The following FAM118A variants were observed in gnomAD, a reference collection of about 807,000 sequenced individuals.
FAM118A encodes the protein protein FAM118A.
Under a neutral mutation model 38.2 loss-of-function variants are expected in FAM118A, and 25 were observed. The ratio of observed to expected loss-of-function variants is 0.65; its 90% confidence interval spans 0.48 to 0.91. FAM118A has a LOEUF of 0.91. Among genes scored for constraint, FAM118A ranks in the 40% least tolerant of loss-of-function variants. FAM118A has a pLI of 0.00. For missense variants in FAM118A, 425 were observed against 463.3 expected, an observed-to-expected ratio of 0.92 and a Z score of 0.76; for synonymous variants, 178 against 184.1, an observed-to-expected ratio of 0.97 and a Z score of 0.27.
chr22:45,322,312 G>A, intron 1 of FAM118A, 59 bp from the exon 2 acceptor site: 1 of 1,581,408 alleles, frequency 6.3e-7, no homozygotes, highest in Admixed American at 1.8e-5. Context: ...CTTCCAGGGT[G>A]CAAATAAAAA....
At chr22:45,312,199 C>T (rs1057076626) in intron 1 of FAM118A, among the ~76,000 whole-genome samples, 3 of 152,200 alleles carry the variant, frequency 2.0e-5, no homozygotes, top group Non-Finnish European at 4.4e-5. Context: ...GCAAGAGACA[C>T]CAACTGGGTA....
intron 1 of FAM118A, among the ~76,000 whole-genome samples, chr22:45,317,638 G>A (rs939371169): frequency 3.3e-5 from 5 of 152,246 alleles, no homozygotes; most frequent in African/African-American, 7.2e-5. Flanking sequence ...TCCCTGTCCC[G>A]CCAGGGTTTA....
chr22:45,340,512 C>A lies in FAM118A; in HGVS notation c.*107C>A. On this transcript the variant is annotated 3_prime_UTR_variant, in exon 9 of 9. Coordinates refer to ENST00000441876, the MANE Select transcript of FAM118A (RefSeq NM_017911.4). ...TCCACGTGGATCTCTGATTGCGAAA[C>A]CGTCACATACACCAAGAGAGCCACA... is the stretch of plus-strand genomic sequence containing the variant. 7.6e-7 allele frequency: 1 copy of A among 1,319,490 alleles called. No homozygotes were observed. The highest frequency in any genetic ancestry group is 1.1e-6 in the Non-Finnish European group (1 of 913,592). The allele number at this position is 1,319,490 out of a possible 1,614,324, so 81.7% of individuals were successfully genotyped here.
At chr22:45,309,825 G>GCC (rs2084284232), upstream of FAM118A, 1 of 152,168 alleles carries the variant, frequency 6.6e-6, no homozygotes, top group South Asian at 1.9e-4. Context: ...GGCGGGGCGC[G>GCC]CGTCCTGGCT....
chr22:45,336,541 G>A, intron 8 of FAM118A, 130 bp downstream of exon 8: 1 of 666,686 alleles, frequency 1.5e-6, no homozygotes, highest in Non-Finnish European at 2.6e-6. Context: ...TTCTGTCAGG[G>A]CCAGAGAGCA....
intron 3 of FAM118A, among the ~76,000 whole-genome samples, chr22:45,324,245 C>T (rs1361858433): frequency 6.6e-6 from 1 of 152,192 alleles, no homozygotes; most frequent in East Asian, 1.9e-4. Flanking sequence ...CTTTATAATC[C>T]CCACCTAGAG....
At chr22:45,339,205 G>A (rs1047432225) in intron 8 of FAM118A, among the ~76,000 whole-genome samples, 1 of 152,180 alleles carries the variant, frequency 6.6e-6, no homozygotes, top group Non-Finnish European at 1.5e-5. Flanking sequence ...AGGTCAGCCT[G>A]GCCAACATGG....
At chr22:45,324,721 A>G (rs954520813) in intron 3 of FAM118A, among the ~76,000 whole-genome samples, 4 of 152,216 alleles carry the variant, frequency 2.6e-5, no homozygotes, top group African/African-American at 4.8e-5. Context: ...TAGTTGGAAC[A>G]GAGACTTTCT....
chr22:45,316,039 GTGATT>G (rs934222045), intron 1 of FAM118A, among the ~76,000 whole-genome samples: 17 of 152,180 alleles, frequency 1.1e-4, no homozygotes, highest in South Asian at 6.2e-4. Context: ...CTGTTGCTCA[GTGATT>G]TGATTTGATT....
chr22:45,325,270 C>T (rs927825174), intron 3 of FAM118A, among the ~76,000 whole-genome samples: 2 of 152,144 alleles, frequency 1.3e-5, no homozygotes, highest in Admixed American at 1.3e-4. Flanking sequence ...TTCACTTTTG[C>T]GTGTTTTTGA....
chr22:45,328,469 G>T lies in FAM118A; in HGVS notation c.522+406G>T, dbSNP rs1045005060. Reference sequence around the variant, plus strand: ...GGAGCTGCTCTCACTTTGTAGCAGTGAATTACTAATAAAGTAGCCAGGCAT... The same window carrying T: ...GGAGCTGCTCTCACTTTGTAGCAGTTAATTACTAATAAAGTAGCCAGGCAT... On this transcript the variant is annotated intron_variant, in intron 4 of 8. Transcript: ENST00000441876. 3.4e-6 allele frequency: 3 copies of T among 870,834 alleles called. No individual in the cohort carries two copies. The Admixed American group carries it at 5.1e-5, about 15-fold the overall frequency. 53.9% of individuals were successfully genotyped at this position (870,834 alleles called of 1,614,324 possible). A position where few individuals can be genotyped will look rare whatever the true frequency, so the allele number is the denominator to read the frequency against.
chr22:45,331,021 G>A (rs1342112654), intron 5 of FAM118A, among the ~76,000 whole-genome samples: 1 of 152,176 alleles, frequency 6.6e-6, no homozygotes, highest in African/African-American at 2.4e-5. Context: ...AGGAGCCCTG[G>A]CCATTTGGTG....
At chr22:45,324,859 C>T (rs1601923724) in intron 3 of FAM118A, among the ~76,000 whole-genome samples, 1 of 152,238 alleles carries the variant, frequency 6.6e-6, no homozygotes, top group East Asian at 1.9e-4. Flanking sequence ...CCAGCCTGGC[C>T]AATGTGATGA....
intron 7 of FAM118A, 23 bp from the exon 8 acceptor site, chr22:45,336,305 C>T (rs998796910): frequency 6.3e-6 from 10 of 1,593,514 alleles, no homozygotes; most frequent in Admixed American, 3.4e-5. Context: ...AAACAAGCTT[C>T]TTAATAAATT....
At chr22:45,328,847 G>A (rs1426554491) in intron 4 of FAM118A, 1 of 181,558 alleles carries the variant, frequency 5.5e-6, no homozygotes, top group Non-Finnish European at 1.2e-5. Context: ...GCTGTAATTG[G>A]CTCACGGTTC....
At chr22:45,319,284 T>C (rs966731321) in intron 1 of FAM118A, among the ~76,000 whole-genome samples, 5 of 152,174 alleles carry the variant, frequency 3.3e-5, no homozygotes, top group African/African-American at 9.7e-5. Flanking sequence ...TACAGACGGC[T>C]GAACTAAACA....
In FAM118A at chr22:45,328,394, G is replaced by C. The variant is rs28459167; in HGVS notation, c.522+331G>C. 1.8e-4 allele frequency: 220 copies of C among 1,242,284 alleles called. 7 individuals carry two copies. Among genetic ancestry groups the C allele is most frequent in the Non-Finnish European group, 2.4e-4 (203 of 833,872 alleles). 77.0% of individuals were successfully genotyped at this position (1,242,284 alleles called of 1,614,324 possible). ...TGGACTTGAAGGACAAGACCAAGGT[G>C]TGGGCTGGGGCTGCGGGCAGCCTGC... On this transcript the variant is annotated intron_variant, in intron 4 of 8. Transcript: ENST00000441876.
intron 8 of FAM118A, among the ~76,000 whole-genome samples, chr22:45,338,959 A>G (rs543206211): frequency 1.3e-5 from 2 of 152,340 alleles, no homozygotes; most frequent in African/African-American, 4.8e-5. Context: ...AGAGTGAATT[A>G]TAGCACAAGC....
In FAM118A at chr22:45,332,661, A is replaced by G; in HGVS notation, c.888A>G (p.Pro296=). Residue 296 remains proline, a synonymous_variant, in exon 6 of 9, where the codon CCA becomes CCG. Coordinates refer to ENST00000441876, the MANE Select transcript of FAM118A (RefSeq NM_017911.4). The part of the protein sequence containing the change: ...VSYGDCFDHF[P]GYVQDLATQI... ...ACGGGGACTGTTTTGACCACTTTCC[A>G]GGATATGTGCAAGACCTTGCCACTC... 1.2e-6 allele frequency: 2 copies of G among 1,614,070 alleles called. No individual in the cohort carries two copies.
Sources: gnomAD v4.1 joint callset for allele counts (sites outside exome capture counted in the v4.1 genomes callset) on GRCh38, gnomAD v4.1.1 for gene constraint, MANE v1.5 for transcripts, NCBI Gene and HGNC (gene_info 2026-07-23, HGNC 2026-07-21) for gene names.